Variants in PARVB observed in about 807,000 individuals in gnomAD.
The protein encoded by PARVB is parvin beta.
PARVB carries 46 observed loss-of-function variants against 47.0 expected under a neutral mutation model. That is an observed-to-expected ratio of 0.98 (90% CI 0.77 to 1.25). The LOEUF (loss-of-function observed/expected upper bound fraction) is 1.25. PARVB is among the 50% of genes most tolerant of loss of function. The pLI, the probability that PARVB is intolerant of heterozygous loss-of-function variation, is 0.00. For synonymous variants in PARVB, 196 were observed against 196.3 expected (o/e 1.00, Z 0.01); for missense variants, 473 against 471.6 (o/e 1.00, Z -0.03).
Position 44,163,889 on chromosome 22 carries a change from T to C in PARVB, c.977T>C (p.Met326Thr), listed in dbSNP as rs765744153. The change falls in exon 12 of 13, where the codon ATG becomes ACG. Residue 326 changes from methionine (M) to threonine (T), a missense_variant. By Grantham distance (81) the Met-to-Thr change is moderately conservative (BLOSUM62 -1). Coordinates refer to ENST00000338758, the MANE Select transcript of PARVB (RefSeq NM_013327.5). ...AATGTGTCCTTCGCCTTTGAGCTGATGCTGGACGGAGGCCTCAAGAAACCC... is the reference window on the plus strand; with the variant it reads ...AATGTGTCCTTCGCCTTTGAGCTGACGCTGGACGGAGGCCTCAAGAAACCC... ...VHNVSFAFEL[M>T]LDGGLKKPKA... is the part of the protein sequence containing the mutation. 8 of 1,611,184 alleles carry C rather than the reference T, an allele frequency of 5.0e-6. No individual in the cohort carries two copies. In the South Asian group the frequency reaches 8.9e-5, roughly 18 times the overall value.
Position 44,035,402 on chromosome 22 carries a change from G to A in PARVB, c.112+10951G>A, listed in dbSNP as rs555333767. On this transcript the variant is annotated intron_variant, in intron 1 of 12. Transcript: ENST00000338758. ...TTTTTTTTTTTTGAGACGGAGTCTCGCTCTGTTGCCCAGGCTGGAGTGCAA... is the reference window on the plus strand; with the variant it reads ...TTTTTTTTTTTTGAGACGGAGTCTCACTCTGTTGCCCAGGCTGGAGTGCAA... 6.9e-4 allele frequency among the ~76,000 whole-genome samples: 91 copies of A among 131,624 alleles called. 1 individual carries two copies. The highest frequency in any genetic ancestry group is 2.2e-3 in the African/African-American group (74 of 33,950). The allele number at this position is 131,624 out of a possible 152,430, so 86.4% of individuals were successfully genotyped here.
At position 44,081,540 on chromosome 22, in the gene PARVB, A is replaced by G. The variant is rs1367356790; in HGVS notation, c.113-12388A>G. On this transcript the variant is annotated intron_variant, in intron 1 of 12. Coordinates refer to ENST00000338758, the MANE Select transcript of PARVB (RefSeq NM_013327.5). ...GGGACGTTACCAGTCACATTAATTA[A>G]TACGAGTTTCACAACTTGGGAACCA... 1.2e-5 allele frequency: 11 copies of G among 936,424 alleles called. No homozygotes were observed. In the Admixed American group the frequency reaches 2.5e-4, roughly 21 times the overall value. 58.0% of individuals were successfully genotyped at this position (936,424 alleles called of 1,614,324 possible).
At chr22:44,032,361 A>G (rs576862813) in intron 1 of PARVB, among the ~76,000 whole-genome samples, 43 of 152,060 alleles carry the variant, frequency 2.8e-4, no homozygotes, top group Admixed American at 5.9e-4. Flanking sequence ...TCTGACTAAG[A>G]GTGTCTGGGC....
rs199539860 is a variant in PARVB, at chr22:44,151,455, G to A, written c.775-28G>A. ...GGGACCTGCATGCGGGCCATTCATGGCTCCTGTGTCTCTTTTATTCTTGGC... is the reference window on the plus strand; with the variant it reads ...GGGACCTGCATGCGGGCCATTCATGACTCCTGTGTCTCTTTTATTCTTGGC... On this transcript the variant is annotated intron_variant, in intron 9 of 12. Transcript: ENST00000338758. 5.3e-5 allele frequency: 85 copies of A among 1,594,102 alleles called. No individual in the cohort carries two copies. The South Asian group carries it at 7.6e-4, about 14-fold the overall frequency.
chr22:44,076,001 G>A (rs553134357), intron 1 of PARVB, among the ~76,000 whole-genome samples: 7 of 152,374 alleles, frequency 4.6e-5, no homozygotes, highest in South Asian at 2.1e-4. Flanking sequence ...ACTGATGGCC[G>A]TGGGGCAGGG....
chr22:44,051,242 A>T (rs756140036), intron 1 of PARVB, among the ~76,000 whole-genome samples: 2 of 152,212 alleles, frequency 1.3e-5, no homozygotes, highest in Non-Finnish European at 2.9e-5. Flanking sequence ...CAAATTCCCA[A>T]CTGAAAAATA....
At position 44,016,171 on chromosome 22, in the gene PARVB, A is replaced by T. The variant is rs569727010; in HGVS notation, c.211+16498A>T. 2.6e-4 allele frequency among the ~76,000 whole-genome samples: 37 copies of T among 142,118 alleles called. No homozygotes were observed. The South Asian group carries it at 7.9e-3, about 30-fold the overall frequency. The allele number at this position is 142,118 out of a possible 152,430, so 93.2% of individuals were successfully genotyped here. A position where few individuals can be genotyped will look rare whatever the true frequency, so the allele number is the denominator to read the frequency against. On this transcript the variant is annotated intron_variant, in intron 2 of 13. Transcript: ENST00000406477. ...GAGTGCAGTGGCGTGATCTCGGCTCACTGCAAGCTCCACCTCCCAGGTTTA... is the reference window on the plus strand; with the variant it reads ...GAGTGCAGTGGCGTGATCTCGGCTCTCTGCAAGCTCCACCTCCCAGGTTTA...
At chr22:44,147,036 T>C (rs1246389524) in intron 8 of PARVB, 1 of 156,280 alleles carries the variant, frequency 6.4e-6, no homozygotes, top group East Asian at 1.9e-4. Flanking sequence ...CTGTTCCATA[T>C]GCCCCTATGG....
chr22:44,062,118 C>G (rs1038951206), intron 1 of PARVB, among the ~76,000 whole-genome samples: 1 of 152,204 alleles, frequency 6.6e-6, no homozygotes, highest in Admixed American at 6.5e-5. Context: ...ACATACTGCC[C>G]AGGGTAAGAC....
intron 1 of PARVB, among the ~76,000 whole-genome samples, chr22:44,064,972 C>T (rs1009436702): frequency 6.6e-6 from 1 of 152,172 alleles, no homozygotes; most frequent in East Asian, 1.9e-4. Context: ...TTGTATGAAA[C>T]CAAGAGGAAA....
rs1001910464 is a variant in PARVB at position 44,136,501 on chromosome 22, G to C, written c.675G>C (p.Glu225Asp). ...TGCATTCCAGCCACATCTCGGAGGA[G>C]CTGACCACAACTACAGAGTAAGTGG... ...GLLHSSHISE[E>D]LTTTTEMMMG... The change falls in exon 7 of 13, where the codon GAG (glutamate) becomes GAC (aspartate). Residue 225 changes from glutamate (E) to aspartate (D), a missense_variant. Glu to Asp is a conservative substitution (Grantham distance 45). Coordinates refer to ENST00000338758, the MANE Select transcript of PARVB (RefSeq NM_013327.5). The C allele has an allele frequency of 6.8e-6, 11 of 1,613,932 alleles. No homozygotes were observed. Among genetic ancestry groups the C allele is most frequent in the East Asian group, 2.2e-5 (1 of 44,884 alleles).
chr22:44,101,897 G>A (rs1048906804), intron 3 of PARVB, among the ~76,000 whole-genome samples: 1 of 152,174 alleles, frequency 6.6e-6, no homozygotes, highest in East Asian at 1.9e-4. Flanking sequence ...CGTTGATGAG[G>A]AAAGTCACTG....
intron 11 of PARVB, among the ~76,000 whole-genome samples, chr22:44,161,360 C>A (rs998557234): frequency 6.7e-6 from 1 of 149,348 alleles, no homozygotes; most frequent in African/African-American, 2.5e-5. Context: ...CTCACCCAGG[C>A]TGGAGTGCAG....
At chr22:44,047,034 G>C (rs1373334868) in intron 1 of PARVB, among the ~76,000 whole-genome samples, 2 of 152,222 alleles carry the variant, frequency 1.3e-5, no homozygotes, top group African/African-American at 4.8e-5. Context: ...GAGGTGAAGA[G>C]AGGTGTTTTG....
At chr22:44,166,250 C>T (rs563724525) in intron 12 of PARVB, among the ~76,000 whole-genome samples, 7 of 152,340 alleles carry the variant, frequency 4.6e-5, no homozygotes, top group South Asian at 4.1e-4. Flanking sequence ...GCTGGGATTA[C>T]AGGCACCCGC....
At chr22:44,162,015 T>C (rs931984731) in intron 11 of PARVB, among the ~76,000 whole-genome samples, 1 of 152,210 alleles carries the variant, frequency 6.6e-6, no homozygotes, top group Non-Finnish European at 1.5e-5. Context: ...CGCCCCTGGG[T>C]GGACATGGCC....
intron 2 of PARVB, among the ~76,000 whole-genome samples, chr22:43,999,987 A>G: frequency 6.6e-6 from 1 of 152,018 alleles, no homozygotes. Flanking sequence ...AGCTGGGGTG[A>G]CAGAGCGAGA....
intron 2 of PARVB, among the ~76,000 whole-genome samples, chr22:44,017,699 A>G (rs1399303029): frequency 6.6e-6 from 1 of 151,936 alleles, no homozygotes; most frequent in Non-Finnish European, 1.5e-5. Flanking sequence ...CACTCACCAG[A>G]CCCCCCACAG....
At chr22:44,029,357 A>T (rs1249330816) in intron 1 of PARVB, among the ~76,000 whole-genome samples, 1 of 152,174 alleles carries the variant, frequency 6.6e-6, no homozygotes. Context: ...TATTTTGGAT[A>T]CAAGTCATGT....
Sources: gnomAD v4.1 joint callset for allele counts (sites outside exome capture counted in the v4.1 genomes callset) on GRCh38, gnomAD v4.1.1 for gene constraint, MANE v1.5 for transcripts, NCBI Gene and HGNC (gene_info 2026-07-23, HGNC 2026-07-21) for gene names.